CHL1: variants seen among roughly 807,000 people sequenced by gnomAD.
CHL1 encodes cell adhesion molecule L1 like.
A neutral mutation model predicts 141.9 loss-of-function variants in CHL1; 96 were observed. That is an observed-to-expected ratio of 0.68 (90% CI 0.57 to 0.80). The LOEUF (loss-of-function observed/expected upper bound fraction) is 0.80, where lower values mean the gene tolerates loss of function less well. Among genes scored for constraint, CHL1 ranks in the 30% least tolerant of loss-of-function variants. The probability of loss-of-function intolerance (pLI) is 0.00; values close to 1 mark genes in which losing one functional copy is unlikely to be tolerated. For missense variants in CHL1, 1,820 were observed against 1,457.2 expected, an observed-to-expected ratio of 1.25 and a Z score of -4.05; for synonymous variants, 613 against 502.2, an observed-to-expected ratio of 1.22 and a Z score of -2.95.
At chr3:363,552 A>G (rs1704502609) in intron 14 of CHL1, 169 bp downstream of exon 14, 6 of 608,690 alleles carry the variant, frequency 9.9e-6, no homozygotes. Flanking sequence ...TGCAAGAACT[A>G]CAGGGTATGC....
chr3:236,533 C>T (rs1052370107), intron 1 of CHL1, among the ~76,000 whole-genome samples: 2 of 152,130 alleles, frequency 1.3e-5, no homozygotes, highest in African/African-American at 2.4e-5. Flanking sequence ...AAATGTGTCT[C>T]TCCGTTTTTG....
rs374103658 is a variant in CHL1 at position 212,248 on chromosome 3, A to G, written c.-175+15185A>G. Among the ~76,000 whole-genome samples, 29 of 152,184 alleles carry G rather than the reference A, an allele frequency of 1.9e-4. No individual in the cohort carries two copies. In the East Asian group the frequency reaches 3.1e-3, roughly 16 times the overall value. ...GTTCTGGAACCCAATCAATTCTCAG[A>G]TGTTTCCATAGTCTATTTTTATATA... is the stretch of plus-strand genomic sequence containing the variant. On this transcript the variant is annotated intron_variant, in intron 1 of 27. Transcript: ENST00000256509.
At position 365,982 on chromosome 3, in the gene CHL1, C is replaced by T; in HGVS notation, c.1618C>T (p.Pro540Ser). Residue 540 changes from proline to serine, a missense_variant, in exon 15 of 28, where the codon CCT becomes TCT. By Grantham distance (74) the Pro-to-Ser change is moderately conservative. Transcript: ENST00000256509. ...AAAACTTAGAGTTTCTCCTAAGAAT[C>T]CTCGTATCCCCAAATTGCATATGCT... ...ATKLRVSPKN[P>S]RIPKLHMLEL... The T allele has an allele frequency of 6.2e-7, 1 of 1,613,270 alleles. No individual in the cohort carries two copies. The highest frequency in any genetic ancestry group is 8.5e-7 in the Non-Finnish European group (1 of 1,179,498).
intron 3 of CHL1, among the ~76,000 whole-genome samples, chr3:323,774 A>T (rs1391803085): frequency 6.6e-6 from 1 of 152,044 alleles, no homozygotes; most frequent in Non-Finnish European, 1.5e-5. Flanking sequence ...CTGAGGCGGG[A>T]GGATTACTTG....
chr3:239,583 C>T (rs998969647), intron 1 of CHL1, among the ~76,000 whole-genome samples: 1 of 101,700 alleles, frequency 9.8e-6, no homozygotes, highest in Non-Finnish European at 2.4e-5. Context: ...TTCATCTAAA[C>T]AGTATATATA....
intron 2 of CHL1, among the ~76,000 whole-genome samples, chr3:255,827 G>C (rs1574874033): frequency 6.6e-6 from 1 of 152,302 alleles, no homozygotes; most frequent in East Asian, 1.9e-4. Flanking sequence ...TGGAGCCCAG[G>C]TAGCTGTTTT....
chr3:370,394 A>C (rs1350511680), intron 15 of CHL1, among the ~76,000 whole-genome samples: 1 of 151,996 alleles, frequency 6.6e-6, no homozygotes, highest in South Asian at 2.1e-4. Flanking sequence ...AGAGGTGTTT[A>C]TAGTATTCTT....
intron 1 of CHL1, among the ~76,000 whole-genome samples, chr3:211,553 T>C (rs754878086): frequency 7.2e-5 from 11 of 152,126 alleles, no homozygotes; most frequent in Non-Finnish European, 1.5e-4. Context: ...CGTTCTTCCT[T>C]CTGTGGCTTA....
At chr3:245,727 A>G (rs1693515533) in intron 2 of CHL1, among the ~76,000 whole-genome samples, 1 of 152,162 alleles carries the variant, frequency 6.6e-6, no homozygotes, top group South Asian at 2.1e-4. Flanking sequence ...AAAGAGATAG[A>G]AAATCTTGGC....
chr3:350,258 T>C (rs932019910), intron 10 of CHL1, among the ~76,000 whole-genome samples: 1 of 152,180 alleles, frequency 6.6e-6, no homozygotes, highest in Non-Finnish European at 1.5e-5. Context: ...TAGGCAAAGA[T>C]GATACCATTT....
intron 2 of CHL1, among the ~76,000 whole-genome samples, chr3:310,556 T>C (rs905827022): frequency 3.3e-5 from 5 of 152,226 alleles, no homozygotes; most frequent in African/African-American, 1.2e-4. Flanking sequence ...CTCTCACATA[T>C]TGCAGTTTTT....
chr3:297,430 T>A (rs1472210675), intron 2 of CHL1, among the ~76,000 whole-genome samples: 3 of 152,112 alleles, frequency 2.0e-5, no homozygotes, highest in Non-Finnish European at 4.4e-5. Context: ...TTGGCATTAT[T>A]GGCAGGTTTA....
Position 342,003 on chromosome 3 carries a change from T to A in CHL1, c.600T>A (p.Asn200Lys), listed in dbSNP as rs199746295. ...FANVEEKDSRNDYCCFAAFPR... is the reference protein window; with the variant it reads ...FANVEEKDSRKDYCCFAAFPR... ...ACGTGGAAGAAAAGGACAGTCGCAA[T>A]GACTACTGTTGCTTTGCTGCATTTC... The change falls in exon 7 of 28, where the codon AAT becomes AAA. Residue 200 changes from asparagine (N) to lysine (K), a missense_variant. Physicochemically the swap from Asn to Lys is moderately conservative, Grantham distance 94. Coordinates refer to ENST00000256509, the MANE Select transcript of CHL1 (RefSeq NM_006614.4). The A allele has an allele frequency of 6.2e-7, 1 of 1,613,656 alleles. No individual in the cohort carries two copies. Among genetic ancestry groups the A allele is most frequent in the Admixed American group, 1.7e-5 (1 of 59,976 alleles).
intron 2 of CHL1, among the ~76,000 whole-genome samples, chr3:302,418 A>T (rs1559223054): frequency 1.3e-5 from 2 of 152,148 alleles, no homozygotes; most frequent in Non-Finnish European, 2.9e-5. Flanking sequence ...TTGTTTCCTG[A>T]CTTTTTAAAG....
intron 2 of CHL1, among the ~76,000 whole-genome samples, chr3:271,334 G>A (rs958739908): frequency 6.6e-6 from 1 of 152,188 alleles, no homozygotes; most frequent in Admixed American, 6.5e-5. Flanking sequence ...AGGTACTCAG[G>A]AGGCTGAGGC....
chr3:261,242 AT>A (rs766004074), intron 2 of CHL1, among the ~76,000 whole-genome samples: 2 of 151,750 alleles, frequency 1.3e-5, no homozygotes, highest in Non-Finnish European at 2.9e-5. Context: ...TTACTAATTT[AT>A]TTTTTTTACC....
At position 291,237 on chromosome 3, in the gene CHL1, C is replaced by A. The variant is rs542571014; in HGVS notation, c.-94-28446C>A. Among the ~76,000 whole-genome samples, 111 of 151,868 alleles carry A rather than the reference C, an allele frequency of 7.3e-4. 4 individuals carry two copies. The South Asian group carries it at 0.019, about 26-fold the overall frequency. ...TTTTGCTATTAATAAGGGGGAAAACCTTTTGAATTTATTTATCCTGGAGAC... is the reference window on the plus strand; with the variant it reads ...TTTTGCTATTAATAAGGGGGAAAACATTTTGAATTTATTTATCCTGGAGAC... On this transcript the variant is annotated intron_variant, in intron 2 of 27. Coordinates refer to ENST00000256509, the MANE Select transcript of CHL1 (RefSeq NM_006614.4).
chr3:239,601 T>C (rs1559319513), intron 1 of CHL1, among the ~76,000 whole-genome samples: 1 of 137,592 alleles, frequency 7.3e-6, no homozygotes, highest in African/African-American at 2.7e-5. Flanking sequence ...ATATAAAATA[T>C]ATATATTTTA....
chr3:227,624 T>A (rs1701473884), intron 1 of CHL1, among the ~76,000 whole-genome samples: 1 of 152,258 alleles, frequency 6.6e-6, no homozygotes, highest in African/African-American at 2.4e-5. Flanking sequence ...ATGCTACAGA[T>A]TTAATGCTGA....
Sources: gnomAD v4.1 joint callset for allele counts (sites outside exome capture counted in the v4.1 genomes callset) on GRCh38, gnomAD v4.1.1 for gene constraint, MANE v1.5 for transcripts, NCBI Gene and HGNC (gene_info 2026-07-23, HGNC 2026-07-21) for gene names.